The following SLC22A14 variants were observed in gnomAD, a reference collection of about 807,000 sequenced individuals.
The protein encoded by SLC22A14 is organic cation transporter-like 4.
SLC22A14 carries 50 observed loss-of-function variants against 53.9 expected under a neutral mutation model. The ratio of observed to expected loss-of-function variants is 0.93; its 90% CI spans 0.74 to 1.17. The LOEUF is 1.17. Ranked by LOEUF, SLC22A14 falls within the 50% of genes most tolerant of loss-of-function variation. The pLI, the probability that SLC22A14 is intolerant of heterozygous loss-of-function variation, is 0.00. For missense variants in SLC22A14, 671 were observed against 734.7 expected (o/e 0.91, Z 1.00); for synonymous variants, 312 against 303.0 (o/e 1.03, Z -0.31).
intron 7 of SLC22A14, 35 bp from the exon 8 acceptor site, chr3:38,313,692 G>GCGCGCGCGCA: frequency 7.0e-7 from 1 of 1,434,022 alleles, no homozygotes; most frequent in East Asian, 2.3e-5. Flanking sequence ...GTGTGCGCGC[G>GCGCGCGCGCA]TGTGCACGCG....
chr3:38,309,082 G>C lies in SLC22A14; in HGVS notation c.904G>C (p.Val302Leu), dbSNP rs1455152681. 2.5e-6 allele frequency: 4 copies of C among 1,614,120 alleles called. No homozygotes were observed. The highest frequency in any genetic ancestry group is 2.2e-5 in the East Asian group (1 of 44,882). Residue 302 changes from valine (V) to leucine (L), a missense_variant, in exon 5 of 11, where the codon GTG becomes CTG. Transcript: ENST00000448498. ...SLPHWQLLFL[V>L]GGILVIPFIS... ...TCCCCACTGGCAGCTGCTGTTTCTG[G>C]TGGGTGGGATACTTGTGATCCCCTT...
intron 8 of SLC22A14, among the ~76,000 whole-genome samples, chr3:38,315,146 C>A (rs1034928965): frequency 1.3e-5 from 2 of 152,276 alleles, no homozygotes; most frequent in Non-Finnish European, 2.9e-5. Flanking sequence ...CCCCCTTGCT[C>A]TGACCACCTT....
chr3:38,314,053 C>T (rs1290589776), intron 8 of SLC22A14, 112 bp downstream of exon 8: 6 of 824,010 alleles, frequency 7.3e-6, no homozygotes, highest in African/African-American at 5.0e-5. Flanking sequence ...AATCAGCCTT[C>T]TGCACCTATA....
chr3:38,307,533 G>C lies in SLC22A14; in HGVS notation c.621-33G>C, dbSNP rs748232912. ...GCTGGGGCCAGCCCGGGAGATCCCG[G>C]CACTTGGTGCAGCCTCCCTTTGACA... is the stretch of plus-strand genomic sequence containing the variant. On this transcript the variant is annotated intron_variant, in intron 3 of 10. Transcript: ENST00000448498. This position sits in a 1 kb window ranked among gnomAD's most constrained non-coding sequence, Gnocchi z 4.4. 1.9e-6 allele frequency: 3 copies of C among 1,608,296 alleles called. No homozygotes were observed. The African/African-American group carries it at 4.0e-5, about 21-fold the overall frequency.
At chr3:38,306,670 A>T in intron 2 of SLC22A14, 128 bp downstream of exon 2, 1 of 902,136 alleles carries the variant, frequency 1.1e-6, no homozygotes, top group Non-Finnish European at 1.7e-6. Context: ...CAACCTGCAG[A>T]GGCAGGGTCT....
At chr3:38,305,036 T>TTA (rs1344372543) in intron 1 of SLC22A14, 1 of 152,244 alleles carries the variant, frequency 6.6e-6, no homozygotes, top group Non-Finnish European at 1.5e-5. Flanking sequence ...CAACTTGCCG[T>TTA]TCAACAAGCT....
At chr3:38,309,748 TG>T (rs1226940349) in intron 5 of SLC22A14, among the ~76,000 whole-genome samples, 1 of 151,302 alleles carries the variant, frequency 6.6e-6, no homozygotes, top group Non-Finnish European at 1.5e-5. Context: ...CTTGGGCAGG[TG>T]GGAAAAGAGA....
Position 38,307,104 on chromosome 3 carries a change from CAG to C in SLC22A14, c.517-147_517-146del. ...GGTGCCAGAGGGGTTGCAGAGGTAA[CAG>C]AGCAGAGGCAACAGCTGAGGCACGC... On this transcript the variant is annotated intron_variant, in intron 2 of 10. Coordinates refer to ENST00000448498, the MANE Select transcript of SLC22A14 (RefSeq NM_001320033.2). This position sits in a 1 kb window ranked among gnomAD's most constrained non-coding sequence, Gnocchi z 4.4. 1.5e-6 allele frequency: 1 copy of C among 664,934 alleles called. No individual in the cohort carries two copies. Among genetic ancestry groups the C allele is most frequent in the East Asian group, 2.7e-5 (1 of 37,164 alleles). 41.2% of individuals were successfully genotyped at this position (664,934 alleles called of 1,614,324 possible).
At chr3:38,313,687 C>CGCGCGCGT (rs767482022) in intron 7 of SLC22A14, 40 bp from the exon 8 acceptor site, 7 of 749,274 alleles carry the variant, frequency 9.3e-6, no homozygotes, top group East Asian at 7.4e-5. Context: ...CGTGTGTGTG[C>CGCGCGCGT]GCGCGTGTGC....
At position 38,318,332 on chromosome 3, in the gene SLC22A14, T is replaced by A; in HGVS notation, c.*83T>A. The A allele has an allele frequency of 2.3e-6, 3 of 1,330,368 alleles. No homozygotes were observed. The South Asian group carries it at 3.5e-5, about 16-fold the overall frequency. 82.4% of individuals were successfully genotyped at this position (1,330,368 alleles called of 1,614,324 possible). ...TGTCTCCAACCCTGCCTTGAAGCAATTCAATAAAGAGGAAGCAAACAGCCA... is the reference window on the plus strand; with the variant it reads ...TGTCTCCAACCCTGCCTTGAAGCAAATCAATAAAGAGGAAGCAAACAGCCA... On this transcript the variant is annotated 3_prime_UTR_variant, in exon 11 of 11. Transcript: ENST00000448498.
chr3:38,281,404 T>C (rs573736983), upstream of SLC22A14, among the ~76,000 whole-genome samples: 7 of 152,334 alleles, frequency 4.6e-5, no homozygotes, highest in African/African-American at 1.2e-4. Flanking sequence ...AGAAATTTAT[T>C]TCTTACAGTT....
At position 38,306,542 on chromosome 3, in the gene SLC22A14, G is replaced by A. The variant is rs1357581450; in HGVS notation, c.516G>A (p.Glu172=). ...PDAKKRSLIN[E]FDLVCGMETK... Reference sequence around the variant, plus strand: ...CTAAGAAGCGATCGCTGATCAATGAGGTATGTCTTGTCATGGGTTGTCTGT... The same window carrying A: ...CTAAGAAGCGATCGCTGATCAATGAAGTATGTCTTGTCATGGGTTGTCTGT... Residue 172 remains glutamate (E), a splice_region_variant and synonymous_variant, in exon 2 of 11, where the codon GAG becomes GAA. Coordinates refer to ENST00000448498, the MANE Select transcript of SLC22A14 (RefSeq NM_001320033.2). The A allele has an allele frequency of 5.0e-6, 8 of 1,608,242 alleles. No individual in the cohort carries two copies. The highest frequency in any genetic ancestry group is 6.8e-6 in the Non-Finnish European group (8 of 1,176,546).
chr3:38,313,993 A>C, intron 8 of SLC22A14, 52 bp downstream of exon 8: 1 of 1,527,666 alleles, frequency 6.5e-7, no homozygotes, highest in Non-Finnish European at 9.0e-7. Context: ...TGCTTCCCAA[A>C]ACCCCTCCCC....
rs1488722449 is a variant in SLC22A14 at position 38,307,293 on chromosome 3, G to A, written c.556G>A (p.Ala186Thr). Residue 186 changes from alanine (A) to threonine (T), a missense_variant, in exon 3 of 11, where the codon GCA becomes ACA. Coordinates refer to ENST00000448498, the MANE Select transcript of SLC22A14 (RefSeq NM_001320033.2). This position sits in a 1 kb window ranked among gnomAD's most constrained non-coding sequence, Gnocchi z 4.4. ...VCGMETKKDT[A>T]QIMFMAGLPI... ...TGGCATGGAGACGAAGAAGGACACT[G>A]CACAGATCATGTTCATGGCAGGGCT... 2.5e-6 allele frequency: 4 copies of A among 1,614,010 alleles called. No homozygotes were observed. Among genetic ancestry groups the A allele is most frequent in the Non-Finnish European group, 3.4e-6 (4 of 1,179,978 alleles).
intron 1 of SLC22A14, among the ~76,000 whole-genome samples, chr3:38,304,042 TTAGC>T (rs1704234977): frequency 6.6e-6 from 1 of 151,408 alleles, no homozygotes; most frequent in African/African-American, 2.4e-5. Context: ...ATACAAAAAA[TTAGC>T]CGGGCGTGGT....
intron 1 of SLC22A14, among the ~76,000 whole-genome samples, chr3:38,283,983 A>G (rs1418476403): frequency 2.0e-5 from 3 of 152,230 alleles, no homozygotes; most frequent in Admixed American, 2.0e-4. Flanking sequence ...TTTATGTGAA[A>G]TCAACTTTTG....
intron 7 of SLC22A14, 48 bp from the exon 8 acceptor site, chr3:38,313,679 T>TGG (rs751329131): frequency 2.4e-6 from 2 of 839,000 alleles, no homozygotes; most frequent in Non-Finnish European, 3.7e-6. Context: ...CCTGGCTCCG[T>TGG]GTGTGTGCGC....
chr3:38,289,131 T>C (rs568702859), intron 1 of SLC22A14, among the ~76,000 whole-genome samples: 26 of 146,852 alleles, frequency 1.8e-4, no homozygotes, highest in Non-Finnish European at 3.6e-4. Flanking sequence ...TGAGCTATGA[T>C]TGTGCCACTG....
At chr3:38,315,901 A>C (rs1704606479) in intron 9 of SLC22A14, among the ~76,000 whole-genome samples, 190 bp downstream of exon 9, 1 of 152,242 alleles carries the variant, frequency 6.6e-6, no homozygotes, top group African/African-American at 2.4e-5. Context: ...TTTCAGATGC[A>C]AGACCAGACA....
Sources: gnomAD v4.1 joint callset for allele counts (sites outside exome capture counted in the v4.1 genomes callset) on GRCh38, gnomAD v4.1.1 for gene constraint, Gnocchi (gnomAD v3.1) non-coding constraint, MANE v1.5 for transcripts, NCBI Gene and HGNC (gene_info 2026-07-23, HGNC 2026-07-21) for gene names.